CDYL: variants seen among roughly 807,000 people sequenced by gnomAD.
CDYL encodes chromodomain Y-like protein.
Under a neutral mutation model 47.3 loss-of-function variants are expected in CDYL, and 8 were observed. The observed-to-expected ratio is 0.17, with a 90% CI of 0.10 to 0.31. CDYL has a LOEUF of 0.31. Ranked by LOEUF, CDYL falls within the 10% of genes least tolerant of loss-of-function variation. CDYL has a pLI of 1.00. For missense variants in CDYL, 471 were observed against 701.4 expected (o/e 0.67, Z 3.71); for synonymous variants, 266 against 265.0 (o/e 1.00, Z -0.04).
At chr6:4,911,412 CTG>C (rs1317176420) in intron 2 of CDYL, among the ~76,000 whole-genome samples, 1 of 152,232 alleles carries the variant, frequency 6.6e-6, no homozygotes, top group African/African-American at 2.4e-5. Context: ...AGAAGTATAA[CTG>C]TGCACGGTAA....
chr6:4,901,918 C>G (rs970836835), intron 2 of CDYL, among the ~76,000 whole-genome samples: 1 of 152,180 alleles, frequency 6.6e-6, no homozygotes, highest in African/African-American at 2.4e-5. Context: ...CCATCCTTCC[C>G]GCATGGAAGC....
chr6:4,706,464 C>T (rs995093137), intron 1 of CDYL, among the ~76,000 whole-genome samples: 1 of 151,230 alleles, frequency 6.6e-6, no homozygotes, highest in Non-Finnish European at 1.5e-5. Flanking sequence ...TTGTTTTTTG[C>T]CACATCAGAT....
chr6:4,879,593 T>C (rs1368827642), intron 1 of CDYL, among the ~76,000 whole-genome samples: 1 of 147,376 alleles, frequency 6.8e-6, no homozygotes, highest in African/African-American at 2.5e-5. Context: ...AGTTTCGCTC[T>C]TGTTGCCCAG....
At chr6:4,842,164 A>T (rs1223555277) in intron 1 of CDYL, among the ~76,000 whole-genome samples, 1 of 141,948 alleles carries the variant, frequency 7.0e-6, no homozygotes, top group Non-Finnish European at 1.5e-5. Context: ...TTATAAATAT[A>T]TTATATTATA....
chr6:4,829,238 T>G (rs978549030), intron 1 of CDYL, among the ~76,000 whole-genome samples: 14 of 152,182 alleles, frequency 9.2e-5, no homozygotes, highest in Admixed American at 2.6e-4. Flanking sequence ...CTGGGATTTT[T>G]TTGTTGTTGT....
At chr6:4,885,458 G>A (rs1421887192) in intron 1 of CDYL, among the ~76,000 whole-genome samples, 1 of 152,176 alleles carries the variant, frequency 6.6e-6, no homozygotes, top group Non-Finnish European at 1.5e-5. Context: ...TTATCAGATG[G>A]ATCAGAGTGC....
intron 1 of CDYL, among the ~76,000 whole-genome samples, chr6:4,885,274 G>C (rs149361106): frequency 6.6e-6 from 1 of 152,172 alleles, no homozygotes; most frequent in African/African-American, 2.4e-5. Context: ...GATTACAGAC[G>C]TGAGCTACTG....
At chr6:4,879,815 C>T (rs1331862010) in intron 1 of CDYL, among the ~76,000 whole-genome samples, 1 of 152,140 alleles carries the variant, frequency 6.6e-6, no homozygotes, top group Non-Finnish European at 1.5e-5. Flanking sequence ...CCGCCTCGGC[C>T]TCCGAAAGTA....
chr6:4,900,362 T>C (rs1289869059), intron 2 of CDYL, among the ~76,000 whole-genome samples: 4 of 152,210 alleles, frequency 2.6e-5, no homozygotes, highest in African/African-American at 4.8e-5. Context: ...ACCCATATAG[T>C]ATCCCTTACC....
At chr6:4,867,694 A>C (rs1392767635) in intron 1 of CDYL, among the ~76,000 whole-genome samples, 1 of 148,896 alleles carries the variant, frequency 6.7e-6, no homozygotes, top group African/African-American at 2.5e-5. Flanking sequence ...GCACAATCCT[A>C]TTTATCTGTT....
At chr6:4,718,741 A>G (rs541764900) in intron 2 of CDYL, 1 of 152,138 alleles carries the variant, frequency 6.6e-6, no homozygotes, top group Middle Eastern at 3.2e-3. Context: ...CATTTTTTTA[A>G]AAAACAAAAC....
At chr6:4,744,926 G>C (rs1757862487) in intron 3 of CDYL, among the ~76,000 whole-genome samples, 1 of 151,982 alleles carries the variant, frequency 6.6e-6, no homozygotes, top group South Asian at 2.1e-4. Context: ...TATGTAATCA[G>C]TCTGGTTTAT....
chr6:4,743,599 A>C (rs1757835072), intron 3 of CDYL, among the ~76,000 whole-genome samples: 1 of 152,196 alleles, frequency 6.6e-6, no homozygotes, highest in South Asian at 2.1e-4. Flanking sequence ...GCTACAGCAT[A>C]ACAAGGGTCA....
In CDYL at chr6:4,821,740, G is replaced by GGA. The variant is rs1554100355; in HGVS notation, c.24+44933_24+44934insGA. On this transcript the variant is annotated intron_variant, in intron 1 of 6. Coordinates refer to ENST00000397588, the MANE Select transcript of CDYL (RefSeq NM_004824.4). Reference sequence around the variant, plus strand: ...TCTAGAGCAAGACTGTATCTCGGGGGAAAAAAAAAAAGCGATCCTTGGGTT... The same window carrying GGA: ...TCTAGAGCAAGACTGTATCTCGGGGGGAAAAAAAAAAAAGCGATCCTTGGGTT... Among the ~76,000 whole-genome samples, 1,163 of 142,908 alleles carry GGA rather than the reference G, an allele frequency of 8.1e-3. 13 individuals carry two copies. The highest frequency in any genetic ancestry group is 0.028 in the African/African-American group (1,095 of 39,384). 93.8% of individuals were successfully genotyped at this position (142,908 alleles called of 152,430 possible).
intron 2 of CDYL, among the ~76,000 whole-genome samples, chr6:4,722,848 G>A (rs1341339278): frequency 6.6e-6 from 1 of 152,180 alleles, no homozygotes; most frequent in Non-Finnish European, 1.5e-5. Flanking sequence ...CCGTACTCCA[G>A]CCTGGGTGAT....
chr6:4,818,875 C>A (rs1421138097), intron 1 of CDYL, among the ~76,000 whole-genome samples: 1 of 152,130 alleles, frequency 6.6e-6, no homozygotes, highest in Non-Finnish European at 1.5e-5. Flanking sequence ...CTTATTTATT[C>A]AGTTACTTTT....
chr6:4,873,786 G>T (rs1761538774), intron 1 of CDYL, among the ~76,000 whole-genome samples: 1 of 152,176 alleles, frequency 6.6e-6, no homozygotes, highest in South Asian at 2.1e-4. Context: ...ATGTTTTATT[G>T]TGAATAGGCT....
chr6:4,873,531 A>C (rs963042257), intron 1 of CDYL, among the ~76,000 whole-genome samples: 6 of 152,118 alleles, frequency 3.9e-5, no homozygotes, highest in African/African-American at 1.4e-4. Context: ...TAATGATGAT[A>C]CTGTTCTGTG....
At chr6:4,756,056 CCTTT>C (rs1758068740) in intron 3 of CDYL, among the ~76,000 whole-genome samples, 1 of 152,082 alleles carries the variant, frequency 6.6e-6, no homozygotes, top group Non-Finnish European at 1.5e-5. Flanking sequence ...TCCTGATTTT[CCTTT>C]CTTCCTTCCT....
Sources: gnomAD v4.1 joint callset for allele counts (sites outside exome capture counted in the v4.1 genomes callset) on GRCh38, gnomAD v4.1.1 for gene constraint, MANE v1.5 for transcripts, NCBI Gene and HGNC (gene_info 2026-07-23, HGNC 2026-07-21) for gene names.